The following PRDM9 variants were observed in gnomAD, a reference collection of about 807,000 sequenced individuals.
PRDM9 encodes the protein histone-lysine N-methyltransferase PRDM9.
PRDM9 carries 47 observed loss-of-function variants against 55.6 expected under a neutral mutation model. The observed-to-expected ratio is 0.85, with a 90% CI of 0.67 to 1.08. The LOEUF is 1.08. Ranked by LOEUF, PRDM9 falls within the 50% of genes least tolerant of loss-of-function variation. PRDM9 has a pLI of 0.00. For missense variants in PRDM9, 867 were observed against 1,040.3 expected, an observed-to-expected ratio of 0.83 and a Z score of 2.29; for synonymous variants, 312 against 375.7, an observed-to-expected ratio of 0.83 and a Z score of 1.96.
chr5:23,520,151 G>C (rs1238086785), intron 5 of PRDM9, among the ~76,000 whole-genome samples: 1 of 149,972 alleles, frequency 6.7e-6, no homozygotes, highest in Non-Finnish European at 1.5e-5. Flanking sequence ...GATCACTTGA[G>C]GTGAGGAGTT....
rs1739046966 is a variant in PRDM9 at position 23,509,471 on chromosome 5, T to C, written c.71T>C (p.Val24Ala). 1 of 1,613,990 alleles carries C rather than the reference T, an allele frequency of 6.2e-7. No individual in the cohort carries two copies. The highest frequency in any genetic ancestry group is 8.5e-7 in the Non-Finnish European group (1 of 1,180,020). Residue 24 changes from valine to alanine, a missense_variant and splice_region_variant, in exon 3 of 11, where the codon GTC becomes GCC. By Grantham distance (64) the Val-to-Ala change is moderately conservative (BLOSUM62 0). This residue lies in a region of PRDM9 where 662 missense variants were observed against 711.9 expected (regional missense o/e 0.93). Coordinates refer to ENST00000296682, the MANE Select transcript of PRDM9 (RefSeq NM_020227.4). ...GATGGAATCTGTTACTTCCTCTAGG[T>C]CAAAGATGCCTTCAAAGACATTTCC... The part of the protein sequence containing the change: ...DTERTERKPM[V>A]KDAFKDISIY...
chr5:23,509,945 C>T lies in PRDM9; in HGVS notation c.219C>T (p.Phe73=). The T allele has an allele frequency of 6.2e-7, 1 of 1,613,532 alleles. No individual in the cohort carries two copies. The highest frequency in any genetic ancestry group is 8.5e-7 in the Non-Finnish European group (1 of 1,179,836). The change falls in exon 4 of 11, where the codon TTC becomes TTT. Residue 73 remains phenylalanine, a synonymous_variant. Coordinates refer to ENST00000296682, the MANE Select transcript of PRDM9 (RefSeq NM_020227.4). ...TIGLRATRPA[F]MCHRRQAIKL... ...GTCTCAGAGCCACTCGACCAGCTTTCATGTGTCACCGAAGGCAGGCCATCA... is the reference window on the plus strand; with the variant it reads ...GTCTCAGAGCCACTCGACCAGCTTTTATGTGTCACCGAAGGCAGGCCATCA...
upstream of PRDM9, chr5:23,507,247 A>G (rs548816854): frequency 1.3e-5 from 2 of 152,538 alleles, no homozygotes; most frequent in Admixed American, 6.5e-5. Context: ...GTCCCCTTGG[A>G]AGACCCAGGC....
chr5:23,517,358 T>C (rs1739234386), intron 4 of PRDM9, among the ~76,000 whole-genome samples: 1 of 152,076 alleles, frequency 6.6e-6, no homozygotes, highest in African/African-American at 2.4e-5. Context: ...TTTTTTTAAG[T>C]CTTAAGAAAA....
intron 4 of PRDM9, among the ~76,000 whole-genome samples, chr5:23,510,661 G>GATA (rs1739077533): frequency 1.3e-5 from 2 of 149,900 alleles, no homozygotes; most frequent in African/African-American, 2.5e-5. Context: ...TGATGATGAT[G>GATA]ATGATGATGG....
Position 23,524,522 on chromosome 5 carries a change from G to A in PRDM9, c.1139G>A (p.Gly380Glu), listed in dbSNP as rs376188991. 63 of 1,613,770 alleles carry A rather than the reference G, an allele frequency of 3.9e-5. No homozygotes were observed. The highest frequency in any genetic ancestry group is 5.9e-6 in the Non-Finnish European group (7 of 1,179,836). The change falls in exon 10 of 11, where the codon GGG becomes GAG. Residue 380 changes from glycine to glutamate, a missense_variant. Gly to Glu is a moderately conservative substitution (Grantham distance 98, BLOSUM62 -2). This residue lies in a region of PRDM9 where 662 missense variants were observed against 711.9 expected (regional missense o/e 0.93). Coordinates refer to ENST00000296682, the MANE Select transcript of PRDM9 (RefSeq NM_020227.4). The stretch of plus-strand genomic sequence containing the variant: ...AAGTGGAAGAAAGAGCTCATGGCAG[G>A]GAGAGGTAGGCATCACTATTACTCT... ...GSKWKKELMA[G>E]REPKPEIHPC... is the part of the protein sequence containing the mutation.
At position 23,524,218 on chromosome 5, in the gene PRDM9, G is replaced by C. The variant is rs575025354; in HGVS notation, c.951-116G>C. On this transcript the variant is annotated intron_variant, in intron 9 of 10. Transcript: ENST00000296682. Reference sequence around the variant, plus strand: ...CAGAAGGTTCCCGGAGGAGTGGTGGGGGAGTGGTCAGCACTAGACCATGGA... The same window carrying C: ...CAGAAGGTTCCCGGAGGAGTGGTGGCGGAGTGGTCAGCACTAGACCATGGA... 42 of 1,334,144 alleles carry C rather than the reference G, an allele frequency of 3.1e-5. No homozygotes were observed. The African/African-American group carries it at 5.6e-4, about 18-fold the overall frequency. The allele number at this position is 1,334,144 out of a possible 1,614,324, so 82.6% of individuals were successfully genotyped here.
At chr5:23,515,619 T>G (rs972393425) in intron 4 of PRDM9, among the ~76,000 whole-genome samples, 28 of 152,196 alleles carry the variant, frequency 1.8e-4, no homozygotes, top group African/African-American at 6.8e-4. Flanking sequence ...TTCCTCTGTG[T>G]TTTCTTCTTG....
At position 23,517,372 on chromosome 5, in the gene PRDM9, G is replaced by A. The variant is rs569188748; in HGVS notation, c.302-509G>A. 3.9e-5 allele frequency among the ~76,000 whole-genome samples: 6 copies of A among 152,118 alleles called. No homozygotes were observed. The South Asian group carries it at 1.2e-3, about 32-fold the overall frequency. On this transcript the variant is annotated intron_variant, in intron 4 of 10. Coordinates refer to ENST00000296682, the MANE Select transcript of PRDM9 (RefSeq NM_020227.4). ...ATTTTTTTAAGTCTTAAGAAAATTA[G>A]CAATGCCTTTAATAGAAACATAGGC... is the stretch of plus-strand genomic sequence containing the variant.
intron 10 of PRDM9, among the ~76,000 whole-genome samples, chr5:23,525,088 A>G (rs1309611539): frequency 4.6e-5 from 7 of 152,248 alleles, no homozygotes; most frequent in Admixed American, 3.9e-4. Flanking sequence ...AAATGAATCC[A>G]GAAAGAATAC....
intron 4 of PRDM9, among the ~76,000 whole-genome samples, chr5:23,514,329 G>T (rs1481343521): frequency 1.3e-5 from 2 of 152,098 alleles, no homozygotes; most frequent in Non-Finnish European, 2.9e-5. Flanking sequence ...TCTGGTGAGG[G>T]GTCTCTTCCT....
At chr5:23,512,199 T>G (rs1001379551) in intron 4 of PRDM9, among the ~76,000 whole-genome samples, 1 of 152,202 alleles carries the variant, frequency 6.6e-6, no homozygotes, top group African/African-American at 2.4e-5. Context: ...ATCTACTTCT[T>G]TGTCTCGATT....
At chr5:23,517,563 A>T (rs772386996) in intron 4 of PRDM9, among the ~76,000 whole-genome samples, 7 of 152,170 alleles carry the variant, frequency 4.6e-5, no homozygotes, top group Non-Finnish European at 7.3e-5. Context: ...ACGCAGGTGG[A>T]TCACCTGAGG....
chr5:23,510,785 C>T (rs187685053), intron 4 of PRDM9, among the ~76,000 whole-genome samples: 1 of 152,168 alleles, frequency 6.6e-6, no homozygotes, highest in Non-Finnish European at 1.5e-5. Context: ...GATCCTCCCA[C>T]CTCAGCTTCC....
chr5:23,521,308 G>C, intron 6 of PRDM9, 129 bp downstream of exon 6: 1 of 989,452 alleles, frequency 1.0e-6, no homozygotes, highest in Non-Finnish European at 1.5e-6. Flanking sequence ...TGTGAGACCA[G>C]AAGGTAGATG....
At position 23,509,911 on chromosome 5, in the gene PRDM9, T is replaced by C; in HGVS notation, c.194-9T>C. 6.2e-7 allele frequency: 1 copy of C among 1,614,070 alleles called. No individual in the cohort carries two copies. Among genetic ancestry groups the C allele is most frequent in the Non-Finnish European group, 8.5e-7 (1 of 1,180,004 alleles). ...TCCATTTTAGAACAAAATTTTTGCT[T>C]CTTTTCAGGTCTCAGAGCCACTCGA... On this transcript the variant is annotated splice_polypyrimidine_tract_variant and intron_variant, in intron 3 of 10. Coordinates refer to ENST00000296682, the MANE Select transcript of PRDM9 (RefSeq NM_020227.4).
intron 6 of PRDM9, 72 bp downstream of exon 6, chr5:23,521,251 T>A: frequency 6.4e-7 from 1 of 1,570,658 alleles, no homozygotes. Context: ...ATGGTCTACC[T>A]ATGTGGGGTG....
Position 23,527,425 on chromosome 5 carries a change from G to A in PRDM9, c.2337G>A (p.Arg779=). The stretch of plus-strand genomic sequence containing the variant: ...CAGGGGAGAAGCCCTATGTCTGCAG[G>A]GAGTGTGGGCGGGGCTTTAGAGATA... ...THTGEKPYVC[R]ECGRGFRDKS... The change falls in exon 11 of 11, where the codon AGG becomes AGA. Residue 779 remains arginine, a synonymous_variant. Transcript: ENST00000296682. The A allele has an allele frequency of 1.3e-6, 2 of 1,598,726 alleles. No homozygotes were observed. The highest frequency in any genetic ancestry group is 1.7e-4 in the Middle Eastern group (1 of 5,982).
intron 4 of PRDM9, among the ~76,000 whole-genome samples, chr5:23,512,499 C>T (rs564601200): frequency 4.7e-4 from 71 of 152,250 alleles, no homozygotes; most frequent in Middle Eastern, 6.8e-3. Context: ...GTTTGCTTTT[C>T]TGCCAATGTT....
Sources: gnomAD v4.1 joint callset for allele counts (sites outside exome capture counted in the v4.1 genomes callset) on GRCh38, gnomAD v4.1.1 for gene constraint, gnomAD v4.1.1 regional missense constraint, MANE v1.5 for transcripts, NCBI Gene and HGNC (gene_info 2026-07-23, HGNC 2026-07-21) for gene names.